IL13RA1: variants seen among roughly 807,000 people sequenced by gnomAD.
The protein encoded by IL13RA1 is interleukin 13 receptor subunit alpha 1.
In IL13RA1, 14 loss-of-function variants were observed where a neutral mutation model predicts 33.8. The observed-to-expected ratio is 0.41, with a 90% CI of 0.27 to 0.65. The LOEUF (loss-of-function observed/expected upper bound fraction) is 0.65, where lower values mean the gene tolerates loss of function less well. IL13RA1 is among the 30% of genes least tolerant of loss of function. The pLI is 0.28. For missense variants in IL13RA1, 313 were observed against 327.0 expected (o/e 0.96, Z 0.33); for synonymous variants, 116 against 115.7 (o/e 1.00, Z -0.02).
At chrX:118,735,489 C>T (rs1480073048) in intron 1 of IL13RA1, among the ~76,000 whole-genome samples, 1 of 112,129 alleles carries the variant, frequency 8.9e-6, no homozygotes, top group Non-Finnish European at 1.9e-5. Flanking sequence ...GCATCGTCTA[C>T]ATTTTAGATG....
intron 8 of IL13RA1, chrX:118,770,959 C>T (rs1603218285): frequency 4.3e-6 from 1 of 229,889 alleles, no homozygotes; most frequent in Non-Finnish European, 8.1e-6. Context: ...CCAACCTCTC[C>T]TCACTTTTCC....
Position 118,773,912 on chromosome X carries a change from T to A in IL13RA1, c.1043T>A (p.Met348Lys). ...CGCAATTCCACACTCTACATAACCA[T>A]GTTACTCATTGTTCCAGTCATCGTC... ...KKRNSTLYIT[M>K]LLIVPVIVAG... is the part of the protein sequence containing the mutation. The change falls in exon 9 of 11, where the codon ATG becomes AAG. Residue 348 changes from methionine to lysine, a missense_variant. By Grantham distance (95) the Met-to-Lys change is moderately conservative (BLOSUM62 -1). Transcript: ENST00000371666. 1 of 1,078,970 alleles carries A rather than the reference T, an allele frequency of 9.3e-7. No individual in the cohort carries two copies. Among genetic ancestry groups the A allele is most frequent in the Non-Finnish European group, 1.3e-6 (1 of 775,006 alleles). 88.9% of individuals were successfully genotyped at this position (1,078,970 alleles called of 1,213,427 possible). A position where few individuals can be genotyped will look rare whatever the true frequency, so the allele number is the denominator to read the frequency against.
chrX:118,803,942 TTTTC>T, the IL13RA1 span, among the ~76,000 whole-genome samples: 48 of 100,322 alleles, frequency 4.8e-4, no homozygotes, highest in Non-Finnish European at 7.8e-4. Context: ...TTTTTTTCTT[TTTTC>T]TTTCTTTCTT....
intron 9 of IL13RA1, among the ~76,000 whole-genome samples, chrX:118,775,588 A>G (rs1488536079): frequency 1.8e-5 from 2 of 111,346 alleles, no homozygotes; most frequent in East Asian, 5.6e-4. Context: ...GGTCAGAAAT[A>G]GTATATATTT....
rs772991233 is a variant in IL13RA1 at position 118,787,843 on chromosome X, T to C, written c.1192-3919T>C. Among the ~76,000 whole-genome samples the C allele has an allele frequency of 5.3e-5, 6 of 112,172 alleles. No individual in the cohort carries two copies. In the South Asian group the frequency reaches 2.2e-3, roughly 42 times the overall value. ...CTCCCTTGTTCCCTGAACATTGCTGTTATCCTTTTCTTTTTTCAAGGTGCC... is the reference window on the plus strand; with the variant it reads ...CTCCCTTGTTCCCTGAACATTGCTGCTATCCTTTTCTTTTTTCAAGGTGCC... On this transcript the variant is annotated intron_variant, in intron 10 of 10. Transcript: ENST00000371666.
intron 8 of IL13RA1, among the ~76,000 whole-genome samples, chrX:118,772,289 G>A (rs1235037346): frequency 1.8e-5 from 2 of 112,700 alleles, no homozygotes; most frequent in South Asian, 3.6e-4. Flanking sequence ...GCACACGTGC[G>A]TACTTACAAA....
At chrX:118,770,882 C>T (rs767738096) in intron 8 of IL13RA1, 3 of 258,426 alleles carry the variant, frequency 1.2e-5, no homozygotes, top group East Asian at 1.1e-4. Context: ...TTCCAACGAC[C>T]CTTCCTGCTT....
intron 1 of IL13RA1, among the ~76,000 whole-genome samples, chrX:118,734,841 C>T (rs768174900): frequency 1.8e-5 from 2 of 111,393 alleles, no homozygotes; most frequent in African/African-American, 3.3e-5. Flanking sequence ...GAATGAGTTA[C>T]GAAGTTTGAG....
chrX:118,795,207 G>T (rs1158289192), downstream of IL13RA1, among the ~76,000 whole-genome samples: 1 of 50,755 alleles, frequency 2.0e-5, no homozygotes, highest in African/African-American at 1.3e-4. Context: ...GCGAGACTCC[G>T]TCTCAAAAAA....
intron 10 of IL13RA1, among the ~76,000 whole-genome samples, chrX:118,788,133 A>C (rs1339117816): frequency 8.9e-6 from 1 of 112,316 alleles, no homozygotes; most frequent in African/African-American, 3.2e-5. Context: ...AGAACTAATA[A>C]ATGTCCATGA....
Position 118,741,020 on chromosome X carries a change from C to A in IL13RA1, c.92C>A (p.Thr31Asn). 9.0e-7 allele frequency: 1 copy of A among 1,115,191 alleles called. No individual in the cohort carries two copies. Among genetic ancestry groups the A allele is most frequent in the Non-Finnish European group, 1.2e-6 (1 of 809,999 alleles). 91.9% of individuals were successfully genotyped at this position (1,115,191 alleles called of 1,213,427 possible). Residue 31 changes from threonine (T) to asparagine (N), a missense_variant, in exon 2 of 11, where the codon ACT becomes AAT. By Grantham distance (65) the Thr-to-Asn change is moderately conservative (BLOSUM62 0). Transcript: ENST00000371666. Reference protein sequence around the residue: ...GGGGGAAPTETQPPVTNLSVS... With the variant: ...GGGGGAAPTENQPPVTNLSVS... ...TTTTTGTCCTTGATTTGAACAGAAA[C>A]TCAGCCACCTGTGACAAATTTGAGT...
chrX:118,762,156 G>C (rs1012000378), intron 6 of IL13RA1, among the ~76,000 whole-genome samples: 1 of 112,831 alleles, frequency 8.9e-6, no homozygotes, highest in Non-Finnish European at 1.9e-5. Context: ...ATAATCTCAG[G>C]ACATCAGTCC....
chrX:118,754,636 C>A (rs762621542), intron 4 of IL13RA1, among the ~76,000 whole-genome samples: 3 of 103,693 alleles, frequency 2.9e-5, no homozygotes, highest in South Asian at 4.4e-4. Flanking sequence ...GACTCCATCT[C>A]AAAAAAAAAA....
chrX:118,746,084 C>T (rs2017400728), intron 2 of IL13RA1, among the ~76,000 whole-genome samples: 1 of 111,054 alleles, frequency 9.0e-6, no homozygotes, highest in African/African-American at 3.3e-5. Context: ...CTCTTCAGCC[C>T]TCAGGCCCTC....
chrX:118,758,306 A>G (rs1479986943), intron 5 of IL13RA1, 64 bp downstream of exon 5: 6 of 468,198 alleles, frequency 1.3e-5, no homozygotes, highest in Non-Finnish European at 2.2e-5. Flanking sequence ...TTGCACAATC[A>G]ATACAAATAA....
At position 118,748,005 on chromosome X, in the gene IL13RA1, TTG is replaced by T. The variant is rs61230421; in HGVS notation, c.367+945_367+946del. Among the ~76,000 whole-genome samples the T allele has an allele frequency of 5.4e-3, 484 of 88,810 alleles. 6 individuals are homozygous for T. The highest frequency in any genetic ancestry group is 0.027 in the Middle Eastern group (5 of 182). The allele number at this position is 88,810 out of a possible 115,157, so 77.1% of individuals were successfully genotyped here. On this transcript the variant is annotated intron_variant, in intron 3 of 10. Coordinates refer to ENST00000371666, the MANE Select transcript of IL13RA1 (RefSeq NM_001560.3). ...AATAGTGCCTGGCAAAGAGTGAATG[TTG>T]TGTGTGTGTGTGTGTGTGTGTGTGT...
chrX:118,772,733 C>A (rs1269986593), intron 8 of IL13RA1, among the ~76,000 whole-genome samples: 1 of 112,138 alleles, frequency 8.9e-6, no homozygotes, highest in Non-Finnish European at 1.9e-5. Flanking sequence ...GTTTATACTC[C>A]TTCCTTTAAA....
At chrX:118,730,879 G>A (rs1384054435) in intron 1 of IL13RA1, among the ~76,000 whole-genome samples, 2 of 112,187 alleles carry the variant, frequency 1.8e-5, no homozygotes, top group Admixed American at 9.4e-5. Flanking sequence ...AGAAAAAAAC[G>A]AACAGGAGTT....
chrX:118,766,995 T>A lies in IL13RA1; in HGVS notation c.1009+19T>A. The A allele has an allele frequency of 2.0e-6, 2 of 987,385 alleles. No individual in the cohort carries two copies. Among genetic ancestry groups the A allele is most frequent in the East Asian group, 3.2e-5 (1 of 31,726 alleles). 81.4% of individuals were successfully genotyped at this position (987,385 alleles called of 1,213,427 possible). On this transcript the variant is annotated intron_variant, in intron 8 of 10. Transcript: ENST00000371666. The stretch of plus-strand genomic sequence containing the variant: ...AGTATAGGTAAGAGAACAGAATTTT[T>A]ATTAAAATTTAAAACACTGATGTAT...
Sources: allele counts gnomAD v4.1 joint callset (sites outside exome capture counted in the v4.1 genomes callset), GRCh38; gene constraint gnomAD v4.1.1; transcripts MANE v1.5; gene names NCBI Gene and HGNC (gene_info 2026-07-23, HGNC 2026-07-21).